Variants in RUNX2 observed in about 807,000 individuals in gnomAD.
RUNX2 encodes runt-related transcription factor 2.
In RUNX2, 10 loss-of-function variants were observed where a neutral mutation model predicts 51.7. The observed-to-expected ratio is 0.19, with a 90% CI of 0.12 to 0.33. The LOEUF is 0.33. Ranked by LOEUF, RUNX2 falls within the 10% of genes least tolerant of loss-of-function variation. The pLI, the probability that RUNX2 is intolerant of heterozygous loss-of-function variation, is 1.00. For missense variants in RUNX2, 562 were observed against 691.3 expected (o/e 0.81, Z 2.10); for synonymous variants, 276 against 273.6 (o/e 1.01, Z -0.09).
At chr6:45,530,204 C>G (rs1001051648) in intron 7 of RUNX2, among the ~76,000 whole-genome samples, 1 of 152,196 alleles carries the variant, frequency 6.6e-6, no homozygotes, top group East Asian at 1.9e-4. Flanking sequence ...TGAACCCCTC[C>G]CAGGGGTCTT....
intron 5 of RUNX2, among the ~76,000 whole-genome samples, chr6:45,485,697 G>GTGTGTGTGTATATATATATATA (rs1219072282): frequency 1.9e-5 from 2 of 104,028 alleles, no homozygotes; most frequent in African/African-American, 7.6e-5. Flanking sequence ...GTGTGTGTGT[G>GTGTGTGTGTATATATATATATA]TATATATATA....
intron 2 of RUNX2, among the ~76,000 whole-genome samples, chr6:45,392,299 G>A (rs1034699585): frequency 1.7e-4 from 26 of 152,152 alleles, no homozygotes; most frequent in Non-Finnish European, 3.4e-4. Context: ...GAGGCTGGGA[G>A]TTTGAGACCA....
intron 7 of RUNX2, among the ~76,000 whole-genome samples, chr6:45,521,080 C>T (rs1801493815): frequency 6.6e-6 from 1 of 152,148 alleles, no homozygotes; most frequent in African/African-American, 2.4e-5. Context: ...TTCTTAAGGA[C>T]AGTGGCTATG....
At chr6:45,541,854 A>G (rs1049847709) in intron 7 of RUNX2, among the ~76,000 whole-genome samples, 3 of 152,128 alleles carry the variant, frequency 2.0e-5, no homozygotes, top group Admixed American at 6.5e-5. Context: ...TCAAATTCCA[A>G]TTTCTTTTTT....
chr6:45,399,428 T>G (rs1250057468), intron 2 of RUNX2, among the ~76,000 whole-genome samples: 2 of 141,188 alleles, frequency 1.4e-5, no homozygotes, highest in Non-Finnish European at 3.1e-5. Context: ...GGCACGATCT[T>G]GGCTCACTGC....
chr6:45,440,780 A>T (rs1050857055), intron 5 of RUNX2, among the ~76,000 whole-genome samples: 1 of 152,208 alleles, frequency 6.6e-6, no homozygotes, highest in East Asian at 1.9e-4. Context: ...AGATAATTTT[A>T]TACAATATGT....
At chr6:45,462,599 C>A (rs2790100) in intron 5 of RUNX2, among the ~76,000 whole-genome samples, 39,285 of 152,094 alleles carry the variant, frequency 0.26, 5,909 homozygotes, top group Non-Finnish European at 0.34. Flanking sequence ...TGTGTGGTGA[C>A]AATATGCCAC....
intron 2 of RUNX2, chr6:45,365,340 T>C (rs1432485056): frequency 1.5e-6 from 2 of 1,330,614 alleles, no homozygotes; most frequent in African/African-American, 1.5e-5. Flanking sequence ...AAAATGTACC[T>C]AGCTATAAGT....
intron 2 of RUNX2, chr6:45,422,287 G>A (rs1349922986): frequency 2.7e-5 from 8 of 298,406 alleles, no homozygotes; most frequent in East Asian, 9.0e-5. Context: ...ACACACCCCC[G>A]CGCCCGTTCG....
chr6:45,404,259 C>CAAAAAAAAAAAAAAAAAAAAAA (rs34529128), intron 2 of RUNX2, among the ~76,000 whole-genome samples: 3 of 27,668 alleles, frequency 1.1e-4, no homozygotes, highest in Non-Finnish European at 2.0e-4. Context: ...GACTCTGTCT[C>CAAAAAAAAAAAAAAAAAAAAAA]AAAAAAAAAA....
chr6:45,422,588 C>G lies in RUNX2; in HGVS notation c.59-5C>G, dbSNP rs927950471. On this transcript the variant is annotated splice_polypyrimidine_tract_variant and splice_region_variant and intron_variant, in intron 2 of 8. Coordinates refer to ENST00000647337, the MANE Select transcript of RUNX2 (RefSeq NM_001024630.4). Reference sequence around the variant, plus strand: ...TTGTGGCTGTTGTGATGCGTATTCCCGTAGATCCGAGCACCAGCCGGCGCT... The same window carrying G: ...TTGTGGCTGTTGTGATGCGTATTCCGGTAGATCCGAGCACCAGCCGGCGCT... The G allele has an allele frequency of 1.2e-6, 2 of 1,601,418 alleles. No homozygotes were observed. The highest frequency in any genetic ancestry group is 1.7e-6 in the Non-Finnish European group (2 of 1,174,850).
chr6:45,477,696 C>T (rs1799994488), intron 5 of RUNX2, among the ~76,000 whole-genome samples: 1 of 152,234 alleles, frequency 6.6e-6, no homozygotes, highest in South Asian at 2.1e-4. Context: ...TATACTCTCT[C>T]AGTGTTTATC....
At chr6:45,349,976 T>C (rs1357186513) in intron 2 of RUNX2, among the ~76,000 whole-genome samples, 1 of 152,188 alleles carries the variant, frequency 6.6e-6, no homozygotes, top group African/African-American at 2.4e-5. Context: ...AAAGGTTTTA[T>C]TAGTCACAGG....
At chr6:45,330,169 C>T (rs1030371442) in intron 2 of RUNX2, among the ~76,000 whole-genome samples, 2 of 151,656 alleles carry the variant, frequency 1.3e-5, no homozygotes, top group African/African-American at 4.8e-5. Flanking sequence ...TGTAAGTGGG[C>T]CCCCTCAGTT....
At position 45,416,731 on chromosome 6, in the gene RUNX2, G is replaced by A. The variant is rs567528281; in HGVS notation, c.59-5862G>A. On this transcript the variant is annotated intron_variant, in intron 2 of 8. Transcript: ENST00000647337. ...GGTTTCTTAAGGTAACTAGGGTGTC[G>A]TTTAGTAAGTTGGTATTTTAGTCAA... Among the ~76,000 whole-genome samples the A allele has an allele frequency of 7.9e-5, 12 of 152,234 alleles. No individual in the cohort carries two copies. In the South Asian group the frequency reaches 1.5e-3, roughly 18 times the overall value.
intron 2 of RUNX2, among the ~76,000 whole-genome samples, chr6:45,358,897 G>C (rs1793736957): frequency 6.6e-6 from 1 of 152,096 alleles, no homozygotes; most frequent in South Asian, 2.1e-4. Flanking sequence ...GTTCAGAACA[G>C]AGACTGCCAC....
chr6:45,336,940 A>G (rs1788686049), intron 2 of RUNX2, among the ~76,000 whole-genome samples: 1 of 151,672 alleles, frequency 6.6e-6, no homozygotes, highest in South Asian at 2.1e-4. Context: ...ATTATTATAA[A>G]CTGGCATAAA....
At chr6:45,454,884 C>T (rs1384910410) in intron 5 of RUNX2, among the ~76,000 whole-genome samples, 3 of 152,124 alleles carry the variant, frequency 2.0e-5, no homozygotes, top group Non-Finnish European at 4.4e-5. Context: ...GAGGCTGAGG[C>T]AGGTGGATCA....
At chr6:45,352,060 C>CT (rs1792170892) in intron 2 of RUNX2, among the ~76,000 whole-genome samples, 1 of 152,178 alleles carries the variant, frequency 6.6e-6, no homozygotes, top group Non-Finnish European at 1.5e-5. Context: ...TGCCTGCTTC[C>CT]TTAAAATGAT....
Sources: allele counts gnomAD v4.1 joint callset (sites outside exome capture counted in the v4.1 genomes callset), GRCh38; gene constraint gnomAD v4.1.1; transcripts MANE v1.5; gene names NCBI Gene and HGNC (gene_info 2026-07-23, HGNC 2026-07-21).